BMERB1: variants seen among roughly 807,000 people sequenced by gnomAD.
BMERB1 encodes the protein bMERB domain-containing protein 1.
BMERB1 carries 12 observed loss-of-function variants against 23.6 expected under a neutral mutation model. The observed-to-expected ratio is 0.51, with a 90% confidence interval of 0.33 to 0.82. The LOEUF is 0.82. Ranked by LOEUF, BMERB1 falls within the 40% of genes least tolerant of loss-of-function variation. The pLI, the probability that BMERB1 is intolerant of heterozygous loss-of-function variation, is 0.03. For synonymous variants in BMERB1, 122 were observed against 96.6 expected (o/e 1.26, Z -1.54); for missense variants, 247 against 255.4 (o/e 0.97, Z 0.22).
At chr16:15,516,952 C>G (rs750755697) in intron 2 of BMERB1, among the ~76,000 whole-genome samples, 3 of 152,198 alleles carry the variant, frequency 2.0e-5, no homozygotes, top group African/African-American at 4.8e-5. Flanking sequence ...AGCCCATACT[C>G]TCACTGGGAC....
At chr16:15,498,166 C>T (rs2051492784) in intron 1 of BMERB1, among the ~76,000 whole-genome samples, 1 of 151,974 alleles carries the variant, frequency 6.6e-6, no homozygotes, top group African/African-American at 2.4e-5. Context: ...CCAGGAGAAG[C>T]CCAGGTAGAT....
At chr16:15,504,210 A>G (rs1399066661) in intron 1 of BMERB1, among the ~76,000 whole-genome samples, 1 of 152,184 alleles carries the variant, frequency 6.6e-6, no homozygotes, top group Non-Finnish European at 1.5e-5. Context: ...GCCCTCTTCA[A>G]GGGCTGGCCT....
chr16:15,481,217 T>TA (rs1269003367), intron 1 of BMERB1, among the ~76,000 whole-genome samples: 50 of 148,486 alleles, frequency 3.4e-4, no homozygotes, highest in East Asian at 9.9e-4. Context: ...CCATTTCTGC[T>TA]AAAAAAAAAA....
intron 2 of BMERB1, among the ~76,000 whole-genome samples, chr16:15,526,218 G>A (rs796074287): frequency 7.2e-5 from 11 of 152,224 alleles, no homozygotes; most frequent in African/African-American, 2.4e-4. Context: ...GCATCAGGAG[G>A]CATGTTCCAG....
chr16:15,505,165 G>A (rs1267208309), intron 1 of BMERB1, among the ~76,000 whole-genome samples: 1 of 152,068 alleles, frequency 6.6e-6, no homozygotes, highest in East Asian at 1.9e-4. Context: ...CAGGTATGAG[G>A]CTGACCAAAA....
At chr16:15,493,992 CT>C (rs1310014757) in intron 1 of BMERB1, among the ~76,000 whole-genome samples, 1 of 152,194 alleles carries the variant, frequency 6.6e-6, no homozygotes, top group Admixed American at 6.5e-5. Flanking sequence ...GACCTGGGCC[CT>C]TGACTGACTT....
intron 1 of BMERB1, among the ~76,000 whole-genome samples, chr16:15,494,936 T>C (rs1451289452): frequency 2.1e-5 from 3 of 140,836 alleles, no homozygotes. Flanking sequence ...CAGGCTGGAG[T>C]GCAGTGGCTC....
intron 2 of BMERB1, chr16:15,532,983 A>G (rs1373909503): frequency 1.1e-5 from 5 of 455,398 alleles, no homozygotes; most frequent in East Asian, 6.9e-5. Context: ...TCTGCCATTT[A>G]TAGGCTGTGC....
chr16:15,546,430 G>A (rs906563366), intron 2 of BMERB1, among the ~76,000 whole-genome samples: 5 of 152,058 alleles, frequency 3.3e-5, no homozygotes, highest in African/African-American at 1.2e-4. Flanking sequence ...TAAATTGCTT[G>A]GAACAATTGT....
intron 2 of BMERB1, chr16:15,533,168 C>T (rs758192118): frequency 3.1e-6 from 1 of 321,566 alleles, no homozygotes; most frequent in African/African-American, 2.2e-5. Context: ...TTTCCTTTAC[C>T]ACCAGGAAGA....
chr16:15,440,954 A>G lies in BMERB1; in HGVS notation c.106+6195A>G, dbSNP rs80257104. The stretch of plus-strand genomic sequence containing the variant: ...TTTGGTGTTCAGGAAGCGCTTCTCT[A>G]AGGAGGTGACATTTTGCTGTATCAA... On this transcript the variant is annotated intron_variant, in intron 1 of 5. Coordinates refer to ENST00000300006, the MANE Select transcript of BMERB1 (RefSeq NM_033201.3). Among the ~76,000 whole-genome samples, 653 of 152,284 alleles carry G rather than the reference A, an allele frequency of 4.3e-3. 7 individuals are homozygous for G. Among genetic ancestry groups the G allele is most frequent in the African/African-American group, 0.015 (612 of 41,564 alleles).
chr16:15,498,461 A>G (rs891707999), intron 1 of BMERB1, among the ~76,000 whole-genome samples: 6 of 152,046 alleles, frequency 3.9e-5, no homozygotes, highest in African/African-American at 1.2e-4. Flanking sequence ...AAGCTTGAGG[A>G]TGCAGTGAGG....
At chr16:15,490,660 C>G (rs1219150988) in intron 1 of BMERB1, among the ~76,000 whole-genome samples, 1 of 152,142 alleles carries the variant, frequency 6.6e-6, no homozygotes, top group Non-Finnish European at 1.5e-5. Context: ...CCCTGGCTAC[C>G]TGGGATTCAT....
intron 1 of BMERB1, among the ~76,000 whole-genome samples, chr16:15,471,518 T>C (rs2051228706): frequency 6.6e-6 from 1 of 152,206 alleles, no homozygotes. Flanking sequence ...TTTGCAGTAT[T>C]CCCTTGTTAT....
intron 2 of BMERB1, among the ~76,000 whole-genome samples, chr16:15,547,601 T>A (rs1285487239): frequency 6.6e-6 from 1 of 152,060 alleles, no homozygotes; most frequent in Admixed American, 6.6e-5. Flanking sequence ...CGCCTTGGGC[T>A]CCCAAAGTGC....
intron 2 of BMERB1, among the ~76,000 whole-genome samples, chr16:15,553,135 G>C (rs1271305794): frequency 1.3e-5 from 2 of 152,120 alleles, no homozygotes; most frequent in African/African-American, 2.4e-5. Flanking sequence ...GGCTTCCCGA[G>C]TAACTGGGAT....
intron 1 of BMERB1, among the ~76,000 whole-genome samples, chr16:15,457,778 C>T (rs1235644755): frequency 2.0e-5 from 3 of 152,220 alleles, no homozygotes; most frequent in East Asian, 1.9e-4. Context: ...TCCATTCTCA[C>T]GCTGCTATAA....
chr16:15,533,861 C>T (rs12708795), intron 2 of BMERB1, among the ~76,000 whole-genome samples: 3 of 151,790 alleles, frequency 2.0e-5, no homozygotes, highest in Non-Finnish European at 2.9e-5. Flanking sequence ...TTCAACCCTG[C>T]GCATCCTTTC....
chr16:15,463,875 TAAAA>T, intron 1 of BMERB1, among the ~76,000 whole-genome samples: 1 of 143,172 alleles, frequency 7.0e-6, no homozygotes, highest in South Asian at 2.2e-4. Context: ...GTGTATGCTT[TAAAA>T]AAAAAAAAAA....
Sources: allele counts gnomAD v4.1 joint callset (sites outside exome capture counted in the v4.1 genomes callset), GRCh38; gene constraint gnomAD v4.1.1; transcripts MANE v1.5; gene names NCBI Gene and HGNC (gene_info 2026-07-23, HGNC 2026-07-21).